Variants in TMTC2 observed in about 807,000 individuals in gnomAD.
TMTC2 encodes the protein protein O-mannosyl-transferase TMTC2.
In TMTC2, 43 loss-of-function variants were observed where a neutral mutation model predicts 82.4. The ratio of observed to expected loss-of-function variants is 0.52; its 90% confidence interval spans 0.41 to 0.67. The LOEUF (loss-of-function observed/expected upper bound fraction) is 0.67, where lower values mean the gene tolerates loss of function less well. TMTC2 is among the 30% of genes least tolerant of loss of function. TMTC2 has a pLI of 0.00. For synonymous variants in TMTC2, 408 were observed against 381.9 expected (o/e 1.07, Z -0.80); for missense variants, 919 against 1,012.4 (o/e 0.91, Z 1.25).
intron 4 of TMTC2, among the ~76,000 whole-genome samples, chr12:82,949,762 A>G (rs1157775820): frequency 6.6e-6 from 1 of 152,122 alleles, no homozygotes; most frequent in East Asian, 1.9e-4. Context: ...ATTTTATTCT[A>G]TTTCTTAGTG....
chr12:82,873,230 TG>T (rs1872302190), intron 2 of TMTC2, among the ~76,000 whole-genome samples: 1 of 151,684 alleles, frequency 6.6e-6, no homozygotes, highest in Non-Finnish European at 1.5e-5. Context: ...TGTGTGTGTG[TG>T]TGTGTGTGTG....
chr12:83,002,694 T>C (rs1879980349), intron 8 of TMTC2, among the ~76,000 whole-genome samples: 1 of 152,168 alleles, frequency 6.6e-6, no homozygotes, highest in South Asian at 2.1e-4. Context: ...TTAATTTCCA[T>C]GTAATTGATT....
chr12:83,084,593 C>T lies in TMTC2; in HGVS notation c.2331+22762C>T, dbSNP rs565670325. 1.6e-4 allele frequency among the ~76,000 whole-genome samples: 25 copies of T among 152,080 alleles called. No individual in the cohort carries two copies. The East Asian group carries it at 4.8e-3, about 29-fold the overall frequency. On this transcript the variant is annotated intron_variant, in intron 11 of 11. Transcript: ENST00000321196. ...AAAATTTTAGGATACGAATAATGAG[C>T]CAGAAAGTTTTCCTATCATTAGTCA...
chr12:82,858,526 A>G (rs1238983332), intron 2 of TMTC2, among the ~76,000 whole-genome samples: 1 of 152,234 alleles, frequency 6.6e-6, no homozygotes, highest in African/African-American at 2.4e-5. Flanking sequence ...GGAAACTGTC[A>G]AGTTTTCCTA....
intron 11 of TMTC2, among the ~76,000 whole-genome samples, chr12:83,095,219 T>G (rs781391398): frequency 7.6e-4 from 89 of 116,894 alleles, no homozygotes; most frequent in Middle Eastern, 5.4e-3. Flanking sequence ...AATTTCATGG[T>G]TTTTTTTTTT....
intron 8 of TMTC2, among the ~76,000 whole-genome samples, chr12:82,997,876 G>C (rs1879736531): frequency 6.6e-6 from 1 of 151,906 alleles, no homozygotes; most frequent in Non-Finnish European, 1.5e-5. Context: ...GGCTCTGAAA[G>C]TCTTCTTTGT....
rs1433815259 is a variant in TMTC2, at chr12:82,785,067, C to T, written c.84-71943C>T. ...AAGAGACTTTTCTTAATAGTTTTTG[C>T]TTCTCTTAAAGATGTAGTCATGTAT... On this transcript the variant is annotated intron_variant, in intron 1 of 11. Transcript: ENST00000321196. Among the ~76,000 whole-genome samples, 3 of 152,040 alleles carry T rather than the reference C, an allele frequency of 2.0e-5. No individual in the cohort carries two copies. In the East Asian group the frequency reaches 5.8e-4, roughly 29 times the overall value.
At chr12:83,061,447 T>C (rs1374650637) in intron 10 of TMTC2, among the ~76,000 whole-genome samples, 1 of 151,762 alleles carries the variant, frequency 6.6e-6, no homozygotes, top group Admixed American at 6.6e-5. Flanking sequence ...TGGGGTATCA[T>C]GTTGATGCTG....
chr12:82,764,128 A>G (rs1286477865), intron 1 of TMTC2, among the ~76,000 whole-genome samples: 9 of 152,058 alleles, frequency 5.9e-5, no homozygotes, highest in Non-Finnish European at 7.4e-5. Context: ...ACAGATATAC[A>G]TATACACACA....
At chr12:82,783,389 CT>C (rs1003831213) in intron 1 of TMTC2, among the ~76,000 whole-genome samples, 3 of 151,686 alleles carry the variant, frequency 2.0e-5, no homozygotes, top group African/African-American at 7.3e-5. Flanking sequence ...TCCCTTGCCT[CT>C]TGTCTCCTTC....
intron 1 of TMTC2, among the ~76,000 whole-genome samples, chr12:82,737,645 A>G (rs1167509379): frequency 3.3e-5 from 5 of 152,214 alleles, no homozygotes; most frequent in South Asian, 2.1e-4. Context: ...AGTTCAGGAA[A>G]TATAAATGAA....
intron 1 of TMTC2, among the ~76,000 whole-genome samples, chr12:82,842,862 G>A (rs897067309): frequency 1.3e-5 from 2 of 152,070 alleles, no homozygotes; most frequent in African/African-American, 4.8e-5. Context: ...TGTTGGATTA[G>A]GACCCACCCG....
At chr12:83,109,931 T>C (rs1884543162) in intron 11 of TMTC2, among the ~76,000 whole-genome samples, 1 of 152,138 alleles carries the variant, frequency 6.6e-6, no homozygotes, top group Non-Finnish European at 1.5e-5. Flanking sequence ...CTCAAGTGAG[T>C]CCTCAAAGAT....
chr12:82,692,921 A>T (rs1407050915), intron 1 of TMTC2, among the ~76,000 whole-genome samples: 4 of 152,254 alleles, frequency 2.6e-5, no homozygotes, highest in African/African-American at 9.6e-5. Context: ...AATTACATAC[A>T]GTGCTAAATG....
At chr12:82,954,377 AC>A (rs1438096029) in intron 4 of TMTC2, among the ~76,000 whole-genome samples, 1 of 152,100 alleles carries the variant, frequency 6.6e-6, no homozygotes, top group African/African-American at 2.4e-5. Context: ...GACCCTCTCT[AC>A]ACAGTATTGT....
chr12:83,050,901 CAGGTCAG>C lies in TMTC2; in HGVS notation c.2153-2_2157del. On this transcript the variant is annotated splice_acceptor_variant and coding_sequence_variant, in exon 10 of 12. Coordinates refer to ENST00000321196, the MANE Select transcript of TMTC2 (RefSeq NM_152588.3). LOFTEE classifies it high-confidence loss of function. ...GAAGCTCACTGGTTTTTATACTTTT[CAGGTCAG>C]TTTCTTCTGGAAGAAGCTCGTCTCA... The C allele has an allele frequency of 6.2e-7, 1 of 1,606,638 alleles. No individual in the cohort carries two copies. The highest frequency in any genetic ancestry group is 8.5e-7 in the Non-Finnish European group (1 of 1,175,850).
chr12:82,908,311 T>A (rs529657015), intron 3 of TMTC2, among the ~76,000 whole-genome samples: 135 of 152,296 alleles, frequency 8.9e-4, no homozygotes, highest in Non-Finnish European at 1.5e-3. Flanking sequence ...TCCTTATTTC[T>A]TGTTTAAAAA....
At chr12:83,124,211 G>C (rs1169446815) in intron 11 of TMTC2, among the ~76,000 whole-genome samples, 1 of 152,184 alleles carries the variant, frequency 6.6e-6, no homozygotes, top group Non-Finnish European at 1.5e-5. Context: ...TGTTCACTGC[G>C]TATCCATTGT....
intron 1 of TMTC2, among the ~76,000 whole-genome samples, chr12:82,719,716 C>A (rs964679731): frequency 7.7e-6 from 1 of 129,710 alleles, no homozygotes; most frequent in East Asian, 2.4e-4. Flanking sequence ...GGGTAAAGAG[C>A]ACAGTTTTGG....
Sources: allele counts gnomAD v4.1 joint callset (sites outside exome capture counted in the v4.1 genomes callset), GRCh38; gene constraint gnomAD v4.1.1; transcripts MANE v1.5; gene names NCBI Gene and HGNC (gene_info 2026-07-23, HGNC 2026-07-21).